The following VEPH1 variants were observed in gnomAD, a reference collection of about 807,000 sequenced individuals.
VEPH1 encodes ventricular zone expressed PH domain containing 1, also known as ventricular zone-expressed PH domain-containing protein homolog 1.
A neutral mutation model predicts 85.2 loss-of-function variants in VEPH1; 80 were observed. That is an observed-to-expected ratio of 0.94 (90% confidence interval 0.78 to 1.13). The LOEUF (loss-of-function observed/expected upper bound fraction) is 1.13, where lower values mean the gene tolerates loss of function less well. Ranked by LOEUF, VEPH1 falls within the 50% of genes most tolerant of loss-of-function variation. The pLI, the probability that VEPH1 is intolerant of heterozygous loss-of-function variation, is 0.00. For missense variants in VEPH1, 955 were observed against 980.5 expected, an observed-to-expected ratio of 0.97 and a Z score of 0.35; for synonymous variants, 297 against 348.0, an observed-to-expected ratio of 0.85 and a Z score of 1.63.
intron 6 of VEPH1, among the ~76,000 whole-genome samples, chr3:157,408,136 C>G (rs550609321): frequency 1.4e-4 from 21 of 152,150 alleles, no homozygotes; most frequent in African/African-American, 5.1e-4. Context: ...GTACTTCAAC[C>G]AATTTGCAGC....
chr3:157,467,212 A>G (rs1736467450), intron 3 of VEPH1, among the ~76,000 whole-genome samples: 1 of 151,862 alleles, frequency 6.6e-6, no homozygotes, highest in Admixed American at 6.6e-5. Context: ...TGAAATGGCC[A>G]AGGGTGCAGG....
intron 9 of VEPH1, among the ~76,000 whole-genome samples, chr3:157,361,026 T>G (rs1725997454): frequency 6.6e-6 from 1 of 152,236 alleles, no homozygotes; most frequent in Non-Finnish European, 1.5e-5. Flanking sequence ...ACCTTTATCT[T>G]TGCTATTGAC....
At chr3:157,382,348 C>T (rs1488856371) in intron 6 of VEPH1, among the ~76,000 whole-genome samples, 1 of 152,076 alleles carries the variant, frequency 6.6e-6, no homozygotes, top group Admixed American at 6.5e-5. Context: ...TCTCTTATAC[C>T]TATTAAAACT....
At chr3:157,498,491 A>AC (rs1175038274) in intron 1 of VEPH1, among the ~76,000 whole-genome samples, 1 of 152,286 alleles carries the variant, frequency 6.6e-6, no homozygotes, top group East Asian at 1.9e-4. Context: ...GCAATCAAAA[A>AC]CTGATGTTTA....
intron 6 of VEPH1, among the ~76,000 whole-genome samples, chr3:157,405,488 A>G (rs1731076812): frequency 6.6e-6 from 1 of 152,116 alleles, no homozygotes; most frequent in Non-Finnish European, 1.5e-5. Flanking sequence ...CTATCTGCTA[A>G]TCAATATGGA....
At position 157,360,431 on chromosome 3, in the gene VEPH1, G is replaced by C. The variant is rs548062788; in HGVS notation, c.1735+2933C>G. ...CTGGCAGGAAACATCAGTATCAAAA[G>C]AAAGTATTCTTTTTTTTTAAGTACA... On this transcript the variant is annotated intron_variant, in intron 9 of 13. Transcript: ENST00000362010. 2.0e-5 allele frequency among the ~76,000 whole-genome samples: 3 copies of C among 152,064 alleles called. No individual in the cohort carries two copies. The South Asian group carries it at 6.2e-4, about 32-fold the overall frequency.
chr3:157,386,483 T>G (rs370710411), intron 6 of VEPH1, among the ~76,000 whole-genome samples: 1 of 152,124 alleles, frequency 6.6e-6, no homozygotes, highest in African/African-American at 2.4e-5. Context: ...TTCAGTGGTT[T>G]CCAGGGGGAG....
At chr3:157,309,120 A>G (rs1719827650) in intron 11 of VEPH1, among the ~76,000 whole-genome samples, 1 of 152,116 alleles carries the variant, frequency 6.6e-6, no homozygotes, top group South Asian at 2.1e-4. Context: ...AATGCCTAGT[A>G]TGAGCCAGGC....
At chr3:157,401,409 C>T (rs939955360) in intron 6 of VEPH1, among the ~76,000 whole-genome samples, 23 of 152,118 alleles carry the variant, frequency 1.5e-4, no homozygotes, top group African/African-American at 5.3e-4. Context: ...CATTACATGA[C>T]ATAATTTACT....
chr3:157,288,286 T>C (rs1717037851), intron 11 of VEPH1, among the ~76,000 whole-genome samples: 1 of 152,218 alleles, frequency 6.6e-6, no homozygotes, highest in Non-Finnish European at 1.5e-5. Flanking sequence ...TCCTTTAGCC[T>C]ACACACTCTT....
intron 7 of VEPH1, among the ~76,000 whole-genome samples, chr3:157,369,197 A>C (rs1022585267): frequency 3.4e-5 from 5 of 147,596 alleles, no homozygotes; most frequent in African/African-American, 1.2e-4. Flanking sequence ...AAAAAAAAAA[A>C]AAAAAAACCT....
chr3:157,453,471 C>A (rs915602381), intron 4 of VEPH1, among the ~76,000 whole-genome samples: 1 of 152,108 alleles, frequency 6.6e-6, no homozygotes. Context: ...CAGTACCTGG[C>A]ATCAGAAATG....
chr3:157,377,018 G>C (rs1410444864), intron 7 of VEPH1, among the ~76,000 whole-genome samples: 1 of 152,184 alleles, frequency 6.6e-6, no homozygotes, highest in Non-Finnish European at 1.5e-5. Flanking sequence ...TCACAATGAA[G>C]GGTATTCAAG....
chr3:157,314,705 G>A (rs985306396), intron 10 of VEPH1, among the ~76,000 whole-genome samples: 47 of 151,970 alleles, frequency 3.1e-4, no homozygotes, highest in Admixed American at 1.4e-3. Flanking sequence ...AGTATGAGTG[G>A]GTGTGTGGGG....
At chr3:157,495,633 T>C (rs1011478325) in intron 1 of VEPH1, 127 bp from the exon 2 acceptor site, 2 of 352,456 alleles carry the variant, frequency 5.7e-6, no homozygotes, top group African/African-American at 4.2e-5. Flanking sequence ...GACTAATAGA[T>C]CCTGGCTTAA....
chr3:157,438,033 GCGCGCA>G lies in VEPH1; in HGVS notation c.530-9551_530-9546del, dbSNP rs1256290951. The stretch of plus-strand genomic sequence containing the variant: ...GCTTTCATGGGAAGCGCGCGCGCGC[GCGCGCA>G]CACACACACACACACACACACACAC... On this transcript the variant is annotated intron_variant, in intron 4 of 13. Transcript: ENST00000362010. 391 of 794,002 alleles carry G rather than the reference GCGCGCA, an allele frequency of 4.9e-4. 2 individuals are homozygous for G. In the African/African-American group the frequency reaches 6.2e-3, roughly 13 times the overall value. 49.2% of individuals were successfully genotyped at this position (794,002 alleles called of 1,614,324 possible).
At chr3:157,333,451 T>G (rs927236394) in intron 9 of VEPH1, among the ~76,000 whole-genome samples, 1 of 152,218 alleles carries the variant, frequency 6.6e-6, no homozygotes, top group African/African-American at 2.4e-5. Flanking sequence ...GAAAGGAATC[T>G]GGGATATTTT....
At chr3:157,422,600 G>A (rs1022262967) in intron 5 of VEPH1, among the ~76,000 whole-genome samples, 4 of 152,068 alleles carry the variant, frequency 2.6e-5, no homozygotes, top group African/African-American at 7.2e-5. Context: ...CTAGGTGATC[G>A]AGTAATCCTT....
chr3:157,364,474 A>T lies in VEPH1; in HGVS notation c.1166T>A (p.Leu389Gln). 6.2e-7 allele frequency: 1 copy of T among 1,613,976 alleles called. No individual in the cohort carries two copies. Among genetic ancestry groups the T allele is most frequent in the East Asian group, 2.2e-5 (1 of 44,844 alleles). The change falls in exon 8 of 14, where the codon CTG becomes CAG. Residue 389 changes from leucine to glutamine, a missense_variant. Transcript: ENST00000362010. ...AGTTACTATGAGCTTGGTTTCTTCC[A>T]GTTTCTCAGGGAATTCAATTTCAGT... is the stretch of plus-strand genomic sequence containing the variant. ...ISTEIEFPEK[L>Q]EETKLIVTEN...
Sources: gnomAD v4.1 joint callset for allele counts (sites outside exome capture counted in the v4.1 genomes callset) on GRCh38, gnomAD v4.1.1 for gene constraint, MANE v1.5 for transcripts, NCBI Gene and HGNC (gene_info 2026-07-23, HGNC 2026-07-21) for gene names.